Variants in MBD5 observed in about 807,000 individuals in gnomAD.
The protein encoded by MBD5 is methyl-CpG binding domain protein 5, also known as methyl-CpG-binding domain protein 5.
In MBD5, 13 loss-of-function variants were observed where a neutral mutation model predicts 117.3. That is an observed-to-expected ratio of 0.11 (90% CI 0.07 to 0.18). The LOEUF (loss-of-function observed/expected upper bound fraction) is 0.18, where lower values mean the gene tolerates loss of function less well. Among genes scored for constraint, MBD5 ranks in the 10% least tolerant of loss-of-function variants. MBD5 has a pLI of 1.00. For synonymous variants in MBD5, 727 were observed against 766.4 expected, an observed-to-expected ratio of 0.95 and a Z score of 0.85; for missense variants, 1,879 against 2,093.8, an observed-to-expected ratio of 0.90 and a Z score of 2.00.
chr2:148,439,916 T>G (rs866839121), intron 4 of MBD5, among the ~76,000 whole-genome samples: 1 of 152,030 alleles, frequency 6.6e-6, no homozygotes, highest in South Asian at 2.1e-4. Context: ...TTTGTAAAAA[T>G]TTTTTGTAGA....
At chr2:148,158,973 T>C (rs774066357) in intron 1 of MBD5, among the ~76,000 whole-genome samples, 59 of 152,306 alleles carry the variant, frequency 3.9e-4, no homozygotes, top group Non-Finnish European at 6.6e-4. Flanking sequence ...CTGCCCGCCT[T>C]GGCCTCCCAA....
chr2:148,424,177 CAAAAAAAAAAAAAAAAAA>C (rs56740583), intron 4 of MBD5, among the ~76,000 whole-genome samples: 76 of 53,456 alleles, frequency 1.4e-3, no homozygotes, highest in East Asian at 5.3e-3. Flanking sequence ...GACTCTGTCT[CAAAAAAAAAAAAAAAAAA>C]AAAAAAAAAA....
intron 1 of MBD5, among the ~76,000 whole-genome samples, chr2:148,057,798 G>T (rs145324552): frequency 6.6e-6 from 1 of 151,920 alleles, no homozygotes; most frequent in East Asian, 1.9e-4. Context: ...TGCATGAAGA[G>T]CATGTCCACA....
intron 4 of MBD5, among the ~76,000 whole-genome samples, chr2:148,366,957 C>T (rs971736758): frequency 2.0e-5 from 3 of 152,078 alleles, no homozygotes; most frequent in Non-Finnish European, 4.4e-5. Flanking sequence ...TGACTTTCCT[C>T]ACAGAATTAG....
At chr2:148,172,057 C>T (rs1188649190) in intron 1 of MBD5, among the ~76,000 whole-genome samples, 3 of 152,180 alleles carry the variant, frequency 2.0e-5, no homozygotes, top group Admixed American at 6.5e-5. Flanking sequence ...GCCTGTAAGT[C>T]GCAGCTACTC....
intron 1 of MBD5, among the ~76,000 whole-genome samples, chr2:148,119,761 C>G (rs1046568552): frequency 1.3e-5 from 2 of 152,092 alleles, no homozygotes; most frequent in African/African-American, 2.4e-5. Flanking sequence ...GAAGGTGATT[C>G]TTCTGATTGA....
intron 11 of MBD5, 181 bp downstream of exon 11, chr2:148,490,775 G>A (rs192353563): frequency 8.5e-5 from 61 of 715,532 alleles, no homozygotes; most frequent in Admixed American, 5.5e-4. Context: ...ACAAAATGTC[G>A]TATCAACAAG....
chr2:148,337,284 GT>G (rs1194183138), intron 3 of MBD5, among the ~76,000 whole-genome samples: 2 of 151,916 alleles, frequency 1.3e-5, no homozygotes, highest in Non-Finnish European at 2.9e-5. Context: ...TTAGTGGTAT[GT>G]TTTTACATAA....
At chr2:148,121,842 C>A (rs1696774807) in intron 1 of MBD5, among the ~76,000 whole-genome samples, 1 of 152,024 alleles carries the variant, frequency 6.6e-6, no homozygotes, top group Non-Finnish European at 1.5e-5. Flanking sequence ...TTATTTTGTA[C>A]TTAGAGAATT....
chr2:148,330,618 AG>A (rs1403689026), intron 3 of MBD5: 1 of 152,196 alleles, frequency 6.6e-6, no homozygotes, highest in Non-Finnish European at 1.5e-5. Flanking sequence ...ATCTATTTCT[AG>A]TCTATGTTTT....
At chr2:148,508,856 T>C (rs1682125276) in intron 12 of MBD5, among the ~76,000 whole-genome samples, 1 of 152,158 alleles carries the variant, frequency 6.6e-6, no homozygotes, top group South Asian at 2.1e-4. Flanking sequence ...CTATGGTATG[T>C]CTAGCACTAT....
chr2:148,388,221 G>C (rs1704439957), intron 4 of MBD5, among the ~76,000 whole-genome samples: 1 of 152,186 alleles, frequency 6.6e-6, no homozygotes, highest in African/African-American at 2.4e-5. Context: ...AAATTTAGGA[G>C]AATGCAATTG....
intron 3 of MBD5, among the ~76,000 whole-genome samples, chr2:148,324,328 G>T (rs62182835): frequency 0.098 from 14,929 of 151,662 alleles, 1,096 homozygotes; most frequent in African/African-American, 0.2. Context: ...CGGCTCTTTT[G>T]TGGTTCCATA....
intron 4 of MBD5, among the ~76,000 whole-genome samples, chr2:148,381,762 A>G: frequency 6.6e-6 from 1 of 152,216 alleles, no homozygotes; most frequent in African/African-American, 2.4e-5. Flanking sequence ...CTGATCTCTC[A>G]GCAGAAACTC....
intron 3 of MBD5, among the ~76,000 whole-genome samples, chr2:148,245,569 C>A (rs1700318150): frequency 1.3e-5 from 2 of 151,992 alleles, no homozygotes; most frequent in South Asian, 4.2e-4. Context: ...TGCATTCCAT[C>A]CTGGGAGACA....
intron 4 of MBD5, among the ~76,000 whole-genome samples, chr2:148,343,176 A>C (rs1702994907): frequency 6.6e-6 from 1 of 152,030 alleles, no homozygotes; most frequent in African/African-American, 2.4e-5. Context: ...CCAGTCCACC[A>C]CTGATGGGCA....
intron 3 of MBD5, among the ~76,000 whole-genome samples, chr2:148,301,009 G>A (rs921328426): frequency 6.6e-6 from 1 of 152,196 alleles, no homozygotes; most frequent in Non-Finnish European, 1.5e-5. Context: ...ATTCTGTGAG[G>A]TGTTTCCTAT....
intron 12 of MBD5, among the ~76,000 whole-genome samples, chr2:148,503,504 T>G (rs1269262395): frequency 2.6e-5 from 4 of 152,194 alleles, no homozygotes; most frequent in Admixed American, 2.6e-4. Context: ...CTCTTTCACT[T>G]TATGGTGTTT....
chr2:148,207,084 A>G (rs1411521832), intron 2 of MBD5, among the ~76,000 whole-genome samples: 2 of 152,154 alleles, frequency 1.3e-5, no homozygotes, highest in African/African-American at 4.8e-5. Flanking sequence ...TGGCCAGAAT[A>G]CAACAAGTTA....
Sources: allele counts gnomAD v4.1 joint callset (sites outside exome capture counted in the v4.1 genomes callset), GRCh38; gene constraint gnomAD v4.1.1; transcripts MANE v1.5; gene names NCBI Gene and HGNC (gene_info 2026-07-23, HGNC 2026-07-21).